Variants in NEB observed in about 807,000 individuals in gnomAD.
The protein encoded by NEB is nemaline myopathy type 2.
Under a neutral mutation model 952.2 loss-of-function variants are expected in NEB, and 512 were observed. The observed-to-expected ratio is 0.54, with a 90% confidence interval of 0.50 to 0.58. NEB has a LOEUF of 0.58. Ranked by LOEUF, NEB falls within the 20% of genes least tolerant of loss-of-function variation. NEB has a pLI of 0.00. For synonymous variants in NEB, 2,900 were observed against 3,149.8 expected (o/e 0.92, Z 2.66); for missense variants, 8,428 against 9,231.1 (o/e 0.91, Z 3.56).
At position 151,640,511 on chromosome 2, in the gene NEB, G is replaced by A; in HGVS notation, c.8529C>T (p.Phe2843=). ...CCCCCAGCATGTCCACTGGGCTGCT[G>A]AACTTGGTCTTCCACTTCTCAAAGT... ...KKDFEKWKTK[F]SSPVDMLGVV... Residue 2843 remains phenylalanine (F), a synonymous_variant, in exon 61 of 182, where the codon TTC becomes TTT. Transcript: ENST00000397345. 1 of 1,613,926 alleles carries A rather than the reference G, an allele frequency of 6.2e-7. No individual in the cohort carries two copies. The highest frequency in any genetic ancestry group is 8.5e-7 in the Non-Finnish European group (1 of 1,179,888).
chr2:151,709,585 AC>A lies in NEB; in HGVS notation c.1035+70del, dbSNP rs529856378. 2.2e-4 allele frequency: 276 copies of A among 1,232,880 alleles called. 1 individual carries two copies. The African/African-American group carries it at 3.2e-3, about 14-fold the overall frequency. 76.4% of individuals were successfully genotyped at this position (1,232,880 alleles called of 1,614,324 possible). On this transcript the variant is annotated intron_variant, in intron 12 of 181. Coordinates refer to ENST00000397345, the MANE Select transcript of NEB (RefSeq NM_001164508.2). ...TCCTCCCCTTTTTTACTAATTATATACAAGAGCCAAAGTTATAAGAAATTTA... is the reference window on the plus strand; with the variant it reads ...TCCTCCCCTTTTTTACTAATTATATAAAGAGCCAAAGTTATAAGAAATTTA...
Position 151,485,743 on chromosome 2 carries a change from G to C in NEB, c.*17C>G, listed in dbSNP as rs754751835. ...GGATCTGTAAGTCCTGCAGACAAGT[G>C]TGATGCTTTGAAATGCCTAAATAGC... is the stretch of plus-strand genomic sequence containing the variant. On this transcript the variant is annotated 3_prime_UTR_variant, in exon 182 of 182. Coordinates refer to ENST00000397345, the MANE Select transcript of NEB (RefSeq NM_001164508.2). 3 of 1,595,784 alleles carry C rather than the reference G, an allele frequency of 1.9e-6. No individual in the cohort carries two copies. The highest frequency in any genetic ancestry group is 2.7e-5 in the African/African-American group (2 of 74,672).
At chr2:151,536,330 C>T (rs1328508631) in intron 141 of NEB, among the ~76,000 whole-genome samples, 1 of 152,152 alleles carries the variant, frequency 6.6e-6, no homozygotes, top group East Asian at 1.9e-4. Context: ...TGAATGGATG[C>T]CAAATAGATT....
At chr2:151,664,701 A>G (rs2099189489) in intron 43 of NEB, 58 bp downstream of exon 43, 9 of 1,529,688 alleles carry the variant, frequency 5.9e-6, no homozygotes, top group South Asian at 3.5e-5. Context: ...GAATGCAGAC[A>G]TAAGTATCAG....
At chr2:151,666,896 T>C (rs1315402922) in intron 40 of NEB, among the ~76,000 whole-genome samples, 1 of 152,160 alleles carries the variant, frequency 6.6e-6, no homozygotes, top group Non-Finnish European at 1.5e-5. Context: ...TTTCCATTAT[T>C]AATTTGTATT....
At position 151,610,074 on chromosome 2, in the gene NEB, C is replaced by G; in HGVS notation, c.12065G>C (p.Gly4022Ala). The change falls in exon 81 of 182, where the codon GGA becomes GCA. Residue 4022 changes from glycine to alanine, a missense_variant. Physicochemically the swap from Gly to Ala is moderately conservative, Grantham distance 60. Around this residue, in one of 11 missense-constraint regions of NEB, gnomAD observed 337 missense variants for 297.5 expected, o/e 1.13. Transcript: ENST00000397345. ...AYEKQKGHHI[G>A]AQSIEDDPKI... ...GGGATCATCTTCAATGCTCTGGGCT[C>G]CAATGTGGTGGCCTTTCTGTTTCTC... 6.2e-7 allele frequency: 1 copy of G among 1,613,662 alleles called. No individual in the cohort carries two copies. Among genetic ancestry groups the G allele is most frequent in the Non-Finnish European group, 8.5e-7 (1 of 1,179,790 alleles).
rs1371741380 is a variant in NEB, at chr2:151,724,853, T to C, written c.507+4A>G. 6.2e-7 allele frequency: 1 copy of C among 1,611,552 alleles called. No individual in the cohort carries two copies. The highest frequency in any genetic ancestry group is 1.3e-5 in the African/African-American group (1 of 74,878). ...TACCCCAGCCATCCATATCATTGCC[T>C]TACCTTACTGACTTGCTGCGACACT... is the stretch of plus-strand genomic sequence containing the variant. On this transcript the variant is annotated splice_donor_region_variant and intron_variant, in intron 7 of 181. Coordinates refer to ENST00000397345, the MANE Select transcript of NEB (RefSeq NM_001164508.2).
At chr2:151,620,429 T>C (rs1249328858) in intron 72 of NEB, among the ~76,000 whole-genome samples, 1 of 138,062 alleles carries the variant, frequency 7.2e-6, no homozygotes, top group Non-Finnish European at 1.5e-5. Flanking sequence ...CCTATAAAAA[T>C]GAACAATTTT....
chr2:151,685,593 G>A (rs1361388012), intron 27 of NEB, among the ~76,000 whole-genome samples: 1 of 152,184 alleles, frequency 6.6e-6, no homozygotes, highest in African/African-American at 2.4e-5. Context: ...CAGGAGAAAA[G>A]TTTGAGAAAC....
chr2:151,699,094 T>C (rs1445252029), intron 13 of NEB, among the ~76,000 whole-genome samples: 440 of 143,660 alleles, frequency 3.1e-3, no homozygotes, highest in Non-Finnish European at 4.7e-3. Context: ...TTCCCACCTA[T>C]GAGTGAGAAT....
At chr2:151,698,439 T>C (rs1259345563) in intron 13 of NEB, among the ~76,000 whole-genome samples, 3 of 152,108 alleles carry the variant, frequency 2.0e-5, no homozygotes, top group Non-Finnish European at 4.4e-5. Flanking sequence ...ATGAGGTTTA[T>C]GGTTGGGGGG....
chr2:151,492,064 A>G lies in NEB; in HGVS notation c.25057+34T>C, dbSNP rs751729671. ...TTTGTTCTTCTACCCCCTCACTTAA[A>G]GTTAATCCCCTCCCCCAACCCAGGC... On this transcript the variant is annotated intron_variant, in intron 178 of 181. Transcript: ENST00000397345. 8 of 1,603,224 alleles carry G rather than the reference A, an allele frequency of 5.0e-6. No individual in the cohort carries two copies. In the African/African-American group the frequency reaches 1.1e-4, roughly 21 times the overall value.
chr2:151,538,086 A>T (rs1018248215), intron 139 of NEB, 54 bp downstream of exon 139: 1 of 1,506,636 alleles, frequency 6.6e-7, no homozygotes, highest in Non-Finnish European at 9.2e-7. Context: ...ATATATGTAT[A>T]TGTATATGGT....
chr2:151,516,609 C>T (rs1207440134), intron 156 of NEB, 46 bp from the exon 157 acceptor site: 3 of 1,246,406 alleles, frequency 2.4e-6, no homozygotes, highest in Non-Finnish European at 2.3e-6. Context: ...TGGTCAATTC[C>T]TAGACAGCAG....
rs117405908 is a variant in NEB at position 151,578,904 on chromosome 2, A to G, written c.16704+434T>C. On this transcript the variant is annotated intron_variant, in intron 105 of 181. Coordinates refer to ENST00000397345, the MANE Select transcript of NEB (RefSeq NM_001164508.2). ...CAAAACCAGCCTGGCCAAGATGGCA[A>G]AGACCTGTCTCTAATAAAAATACAA... 2.4e-3 allele frequency among the ~76,000 whole-genome samples: 360 copies of G among 151,726 alleles called. 10 individuals are homozygous for G. The East Asian group carries it at 0.049, about 21-fold the overall frequency.
Position 151,655,357 on chromosome 2 carries a change from A to G in NEB, c.6720T>C (p.Asp2240=), listed in dbSNP as rs921924356. Residue 2240 remains aspartate (D), a synonymous_variant, in exon 51 of 182, where the codon GAT becomes GAC. Coordinates refer to ENST00000397345, the MANE Select transcript of NEB (RefSeq NM_001164508.2). ...GAATCTTGGTCTTATCTTTATTCCAATCAATGGTGTATAAATGCTAGGAAG... is the reference window on the plus strand; with the variant it reads ...GAATCTTGGTCTTATCTTTATTCCAGTCAATGGTGTATAAATGCTAGGAAG... ...HTMNKHLYTI[D]WNKDKTKIHV... is the part of the protein sequence containing the mutation. 4.4e-6 allele frequency: 7 copies of G among 1,587,784 alleles called. No individual in the cohort carries two copies. Among genetic ancestry groups the G allele is most frequent in the Non-Finnish European group, 3.4e-6 (4 of 1,161,706 alleles).
intron 142 of NEB, chr2:151,534,107 A>C: frequency 1.2e-6 from 1 of 823,464 alleles, no homozygotes; most frequent in Non-Finnish European, 2.0e-6. Flanking sequence ...AGAACAACCC[A>C]ATATCATAGG....
chr2:151,527,819 G>A (rs1022696448), intron 146 of NEB, among the ~76,000 whole-genome samples: 8 of 152,150 alleles, frequency 5.3e-5, no homozygotes, highest in African/African-American at 1.4e-4. Flanking sequence ...AAAGGCCTCC[G>A]GGTGAAATGA....
intron 64 of NEB, 24 bp from the exon 65 acceptor site, chr2:151,633,989 G>C: frequency 6.2e-7 from 1 of 1,602,808 alleles, no homozygotes; most frequent in Non-Finnish European, 8.5e-7. Context: ...GCACAAATCA[G>C]GTTTTTATTG....
Sources: allele counts gnomAD v4.1 joint callset (sites outside exome capture counted in the v4.1 genomes callset), GRCh38; gene constraint gnomAD v4.1.1; regional missense constraint gnomAD v4.1.1; transcripts MANE v1.5; gene names NCBI Gene and HGNC (gene_info 2026-07-23, HGNC 2026-07-21).